CDH12: variants seen among roughly 807,000 people sequenced by gnomAD.
CDH12 encodes cadherin 12.
Under a neutral mutation model 74.1 loss-of-function variants are expected in CDH12, and 41 were observed. The ratio of observed to expected loss-of-function variants is 0.55; its 90% CI spans 0.43 to 0.72. The LOEUF is 0.72. Ranked by LOEUF, CDH12 falls within the 30% of genes least tolerant of loss-of-function variation. The probability of loss-of-function intolerance (pLI) is 0.00; values close to 1 mark genes in which losing one functional copy is unlikely to be tolerated. For synonymous variants in CDH12, 399 were observed against 355.0 expected (o/e 1.12, Z -1.39); for missense variants, 945 against 977.2 (o/e 0.97, Z 0.44).
At chr5:22,345,724 A>C (rs957240436) in intron 3 of CDH12, among the ~76,000 whole-genome samples, 8 of 152,176 alleles carry the variant, frequency 5.3e-5, no homozygotes. Context: ...ATATTTTAAA[A>C]ATTTGTCAAA....
At chr5:22,250,789 A>G (rs986166465) in intron 3 of CDH12, among the ~76,000 whole-genome samples, 1 of 152,194 alleles carries the variant, frequency 6.6e-6, no homozygotes, top group African/African-American at 2.4e-5. Context: ...GGGAGAACTA[A>G]TAAGAGAGGG....
chr5:22,834,709 T>G (rs1736749630), intron 1 of CDH12, among the ~76,000 whole-genome samples: 1 of 152,148 alleles, frequency 6.6e-6, no homozygotes, highest in South Asian at 2.1e-4. Context: ...TCAATTATGT[T>G]CAACTATCTA....
chr5:22,100,927 C>G (rs950061557), intron 4 of CDH12, among the ~76,000 whole-genome samples: 1 of 151,862 alleles, frequency 6.6e-6, no homozygotes, highest in Non-Finnish European at 1.5e-5. Context: ...CCATTGTTTA[C>G]CAAGGTATCA....
At chr5:22,564,107 G>A (rs1193667428) in intron 1 of CDH12, among the ~76,000 whole-genome samples, 1 of 152,028 alleles carries the variant, frequency 6.6e-6, no homozygotes, top group African/African-American at 2.4e-5. Flanking sequence ...CAACCACACC[G>A]TTCTCTAGAA....
intron 3 of CDH12, among the ~76,000 whole-genome samples, chr5:22,226,693 T>G (rs1752205625): frequency 6.6e-6 from 1 of 152,114 alleles, no homozygotes; most frequent in African/African-American, 2.4e-5. Context: ...TTACACAGCT[T>G]AAGGAAATGA....
chr5:22,559,242 C>A (rs546516315), intron 1 of CDH12, among the ~76,000 whole-genome samples: 2 of 152,002 alleles, frequency 1.3e-5, no homozygotes, highest in Non-Finnish European at 2.9e-5. Flanking sequence ...GTACAGGAAT[C>A]TCAATAAAAT....
chr5:22,216,178 C>A (rs1751796969), intron 3 of CDH12, among the ~76,000 whole-genome samples: 1 of 152,096 alleles, frequency 6.6e-6, no homozygotes, highest in East Asian at 1.9e-4. Flanking sequence ...GCTATATAAA[C>A]AGAAGTCAGT....
intron 4 of CDH12, among the ~76,000 whole-genome samples, chr5:22,090,729 T>C (rs1743367774): frequency 6.6e-6 from 1 of 151,938 alleles, no homozygotes; most frequent in South Asian, 2.1e-4. Context: ...TTATACACTA[T>C]GACCAAATGG....
intron 2 of CDH12, among the ~76,000 whole-genome samples, chr5:22,431,119 G>T (rs556331381): frequency 6.6e-6 from 1 of 152,156 alleles, no homozygotes; most frequent in South Asian, 2.1e-4. Context: ...GTTTTCAATT[G>T]CGTCATCCAA....
In CDH12 at chr5:22,739,724, C is replaced by G. The variant is rs537749860; in HGVS notation, c.-523+113334G>C. On this transcript the variant is annotated intron_variant, in intron 1 of 14. Coordinates refer to ENST00000382254, the MANE Select transcript of CDH12 (RefSeq NM_004061.5). ...TAACCATCACCCCTCCATTTCCTCC[C>G]AGCCCCTGGCAACCCACATCCTTCT... 1.6e-3 allele frequency among the ~76,000 whole-genome samples: 244 copies of G among 152,176 alleles called. 1 individual carries two copies. The highest frequency in any genetic ancestry group is 5.5e-3 in the African/African-American group (227 of 41,558).
chr5:22,635,691 G>A (rs1369857519), intron 1 of CDH12, among the ~76,000 whole-genome samples: 4 of 152,122 alleles, frequency 2.6e-5, no homozygotes, highest in African/African-American at 4.8e-5. Flanking sequence ...TGAGGCAGGC[G>A]GATCACGAGG....
At chr5:21,873,955 A>G (rs1751790423) in intron 6 of CDH12, among the ~76,000 whole-genome samples, 1 of 152,112 alleles carries the variant, frequency 6.6e-6, no homozygotes, top group South Asian at 2.1e-4. Context: ...TTATGGCTAC[A>G]TAGTATTCCA....
intron 3 of CDH12, among the ~76,000 whole-genome samples, chr5:22,284,635 G>T (rs1737055757): frequency 6.6e-6 from 1 of 152,068 alleles, no homozygotes; most frequent in East Asian, 1.9e-4. Context: ...ACCTATTCAT[G>T]GAAATTACAT....
intron 3 of CDH12, among the ~76,000 whole-genome samples, chr5:22,394,669 TTG>T (rs1742384171): frequency 6.6e-6 from 1 of 152,138 alleles, no homozygotes; most frequent in Non-Finnish European, 1.5e-5. Flanking sequence ...AACCTTTTCA[TTG>T]TTTACAATTT....
At chr5:21,852,155 A>G (rs375309945) in intron 7 of CDH12, among the ~76,000 whole-genome samples, 8 of 151,494 alleles carry the variant, frequency 5.3e-5, no homozygotes, top group African/African-American at 1.4e-4. Flanking sequence ...AGTCTTCTTA[A>G]TGGTTTCTGT....
chr5:22,151,422 G>C (rs1192679802), intron 4 of CDH12, among the ~76,000 whole-genome samples: 1 of 152,136 alleles, frequency 6.6e-6, no homozygotes, highest in Non-Finnish European at 1.5e-5. Context: ...AATAATCAAA[G>C]GATCAAGTTG....
intron 1 of CDH12, among the ~76,000 whole-genome samples, chr5:22,557,437 G>A (rs762393531): frequency 6.6e-6 from 1 of 152,034 alleles, no homozygotes; most frequent in Non-Finnish European, 1.5e-5. Flanking sequence ...AATTTTTACA[G>A]GTGACCAAAC....
intron 6 of CDH12, chr5:21,883,490 C>T (rs1752467601): frequency 1.2e-6 from 2 of 1,612,856 alleles, no homozygotes; most frequent in African/African-American, 1.3e-5. Context: ...TTGTGGCAGT[C>T]AAGGCTCCAG....
At chr5:21,760,315 T>G (rs180726489) in intron 13 of CDH12, among the ~76,000 whole-genome samples, 31 of 152,132 alleles carry the variant, frequency 2.0e-4, no homozygotes, top group African/African-American at 7.5e-4. Context: ...TCTCAGAGAG[T>G]CTTTTATTTG....
Sources: allele counts gnomAD v4.1 joint callset (sites outside exome capture counted in the v4.1 genomes callset), GRCh38; gene constraint gnomAD v4.1.1; transcripts MANE v1.5; gene names NCBI Gene and HGNC (gene_info 2026-07-23, HGNC 2026-07-21).